TEX36: variants seen among roughly 807,000 people sequenced by gnomAD.
TEX36 encodes the protein testis expressed 36.
A neutral mutation model predicts 13.6 loss-of-function variants in TEX36; 12 were observed. The observed-to-expected ratio is 0.88, with a 90% confidence interval of 0.56 to 1.43. The LOEUF (loss-of-function observed/expected upper bound fraction) is 1.43. TEX36 is among the 40% of genes most tolerant of loss of function. TEX36 has a pLI of 0.00. For missense variants in TEX36, 224 were observed against 228.3 expected, an observed-to-expected ratio of 0.98 and a Z score of 0.12; for synonymous variants, 93 against 83.0, an observed-to-expected ratio of 1.12 and a Z score of -0.65.
intron 3 of TEX36, among the ~76,000 whole-genome samples, chr10:125,640,407 G>A (rs1039742295): frequency 1.3e-5 from 2 of 152,176 alleles, no homozygotes; most frequent in Non-Finnish European, 2.9e-5. Flanking sequence ...TCATAGAGCC[G>A]TAGTCAAGCG....
intron 3 of TEX36, among the ~76,000 whole-genome samples, chr10:125,637,849 C>T (rs1283999541): frequency 2.0e-5 from 3 of 152,066 alleles, no homozygotes; most frequent in Non-Finnish European, 4.4e-5. Context: ...TTCATTTTCT[C>T]CTGCCCCCAC....
At chr10:125,668,012 G>A in intron 1 of TEX36, 1 of 717,898 alleles carries the variant, frequency 1.4e-6, no homozygotes, top group Non-Finnish European at 2.5e-6. Context: ...AATCCAGACG[G>A]AGGCCCTTGG....
At chr10:125,632,635 G>C (rs868138027) in intron 3 of TEX36, among the ~76,000 whole-genome samples, 2 of 152,282 alleles carry the variant, frequency 1.3e-5, no homozygotes, top group African/African-American at 4.8e-5. Flanking sequence ...AGGAAAGAGC[G>C]GGAGAACAAG....
chr10:125,642,290 C>A (rs765503822), intron 3 of TEX36, among the ~76,000 whole-genome samples: 2 of 152,180 alleles, frequency 1.3e-5, no homozygotes, highest in Non-Finnish European at 2.9e-5. Flanking sequence ...AGCCATGTAA[C>A]CCGTGTGTCA....
chr10:125,582,392 G>A (rs1003203465), intron 3 of TEX36, among the ~76,000 whole-genome samples: 16 of 152,180 alleles, frequency 1.1e-4, no homozygotes, highest in Non-Finnish European at 5.9e-5. Flanking sequence ...GTGGCTGCCA[G>A]CTCCACAGGG....
At chr10:125,674,566 C>T (rs1847283563) in intron 1 of TEX36, among the ~76,000 whole-genome samples, 1 of 152,202 alleles carries the variant, frequency 6.6e-6, no homozygotes, top group South Asian at 2.1e-4. Flanking sequence ...GTTTTTCTAG[C>T]TTCAATCTTT....
chr10:125,654,451 A>G (rs765250401), downstream of TEX36, among the ~76,000 whole-genome samples: 3 of 152,244 alleles, frequency 2.0e-5, no homozygotes, highest in Non-Finnish European at 4.4e-5. Context: ...AAAGGGGAAG[A>G]TACAGTATAA....
chr10:125,639,849 A>G (rs917350954), intron 3 of TEX36, among the ~76,000 whole-genome samples: 1 of 152,350 alleles, frequency 6.6e-6, no homozygotes, highest in African/African-American at 2.4e-5. Context: ...TTATGTTGAG[A>G]CTTCTCAATC....
At chr10:125,594,850 G>T (rs946337734) in intron 3 of TEX36, among the ~76,000 whole-genome samples, 3 of 152,118 alleles carry the variant, frequency 2.0e-5, no homozygotes, top group Non-Finnish European at 1.5e-5. Context: ...TATAAAACTA[G>T]CAAGGAATAA....
At chr10:125,640,173 T>G in intron 3 of TEX36, 4 of 985,354 alleles carry the variant, frequency 4.1e-6, no homozygotes, top group Non-Finnish European at 4.8e-6. Context: ...CCAAGTGGAG[T>G]AGAAATCATT....
intron 3 of TEX36, among the ~76,000 whole-genome samples, chr10:125,605,545 A>C (rs1458160997): frequency 6.6e-6 from 1 of 152,236 alleles, no homozygotes; most frequent in Non-Finnish European, 1.5e-5. Context: ...AAAACAAAAA[A>C]GAGTGAAGGA....
chr10:125,614,758 G>A (rs1363732072), intron 3 of TEX36, among the ~76,000 whole-genome samples: 1 of 152,130 alleles, frequency 6.6e-6, no homozygotes, highest in Non-Finnish European at 1.5e-5. Context: ...TTGACTTGGC[G>A]ATGCAGGCTC....
downstream of TEX36, among the ~76,000 whole-genome samples, chr10:125,619,358 G>T (rs1193976095): frequency 6.6e-6 from 1 of 151,872 alleles, no homozygotes; most frequent in Non-Finnish European, 1.5e-5. Context: ...ATCCTTCAAA[G>T]CCGTGCAGGC....
chr10:125,676,099 A>G (rs1847306548), intron 1 of TEX36, among the ~76,000 whole-genome samples: 1 of 152,212 alleles, frequency 6.6e-6, no homozygotes, highest in South Asian at 2.1e-4. Flanking sequence ...CAGTTGTTTG[A>G]TAGAATGAAC....
At chr10:125,598,370 C>A (rs1439529356) in intron 3 of TEX36, among the ~76,000 whole-genome samples, 3 of 152,162 alleles carry the variant, frequency 2.0e-5, no homozygotes, top group Admixed American at 1.3e-4. Flanking sequence ...GTGATGGTAA[C>A]CCTGTCTGGG....
intron 3 of TEX36, among the ~76,000 whole-genome samples, chr10:125,629,074 T>C (rs1431793171): frequency 6.6e-6 from 1 of 152,214 alleles, no homozygotes; most frequent in Non-Finnish European, 1.5e-5. Context: ...CCATGGCCTC[T>C]CTGTAGTTCG....
At chr10:125,585,203 A>G (rs1845928665) in intron 3 of TEX36, among the ~76,000 whole-genome samples, 1 of 152,190 alleles carries the variant, frequency 6.6e-6, no homozygotes, top group African/African-American at 2.4e-5. Context: ...CCCTGGCTTA[A>G]GGTGTGTCCC....
intron 3 of TEX36, among the ~76,000 whole-genome samples, chr10:125,624,561 C>T (rs1411105325): frequency 2.0e-5 from 3 of 151,938 alleles, no homozygotes; most frequent in Admixed American, 1.3e-4. Context: ...TGCCATACAG[C>T]CCCAGAGGTC....
chr10:125,667,632 T>C, intron 1 of TEX36: 1 of 722,198 alleles, frequency 1.4e-6, no homozygotes, highest in Middle Eastern at 2.5e-4. Context: ...TCTACCTTGC[T>C]GCCCCCAACA....
Sources: gnomAD v4.1 joint callset for allele counts (sites outside exome capture counted in the v4.1 genomes callset) on GRCh38, gnomAD v4.1.1 for gene constraint, MANE v1.5 for transcripts, NCBI Gene and HGNC (gene_info 2026-07-23, HGNC 2026-07-21) for gene names.